JPH3: variants seen among roughly 807,000 people sequenced by gnomAD.
The protein encoded by JPH3 is junctophilin-3.
JPH3 carries 11 observed loss-of-function variants against 59.6 expected under a neutral mutation model. The observed-to-expected ratio is 0.18, with a 90% CI of 0.12 to 0.31. The LOEUF (loss-of-function observed/expected upper bound fraction) is 0.31. Ranked by LOEUF, JPH3 falls within the 10% of genes least tolerant of loss-of-function variation. The pLI, the probability that JPH3 is intolerant of heterozygous loss-of-function variation, is 1.00. For missense variants in JPH3, 1,202 were observed against 1,105.7 expected, an observed-to-expected ratio of 1.09 and a Z score of -1.24; for synonymous variants, 673 against 483.6, an observed-to-expected ratio of 1.39 and a Z score of -5.14.
At chr16:87,662,080 C>T (rs1480910239) in intron 2 of JPH3, among the ~76,000 whole-genome samples, 4 of 152,188 alleles carry the variant, frequency 2.6e-5, no homozygotes, top group African/African-American at 9.7e-5. Context: ...CCCTTGTAAC[C>T]CCTCACCTTT....
Position 87,698,108 on chromosome 16 carries a change from A to ATAT in JPH3, c.*1450_*1452dup, listed in dbSNP as rs1025092857. On this transcript the variant is annotated 3_prime_UTR_variant, in exon 5 of 5. Coordinates refer to ENST00000284262, the MANE Select transcript of JPH3 (RefSeq NM_020655.4). Reference sequence around the variant, plus strand: ...CTTTACTACACTGCACTGGATTGCTATATTTTTAACCAGAAATAAACTAAA... The same window carrying ATAT: ...CTTTACTACACTGCACTGGATTGCTATATTATTTTTAACCAGAAATAAACTAAA... 3.3e-5 allele frequency: 5 copies of ATAT among 152,636 alleles called. No homozygotes were observed. The highest frequency in any genetic ancestry group is 1.2e-4 in the African/African-American group (5 of 41,464). The allele number at this position is 152,636 out of a possible 1,614,324, so 9.5% of individuals were successfully genotyped here.
rs1288457194 is a variant in JPH3, at chr16:87,652,122, C to G, written c.1160+7087C>G. Among the ~76,000 whole-genome samples, 3 of 152,160 alleles carry G rather than the reference C, an allele frequency of 2.0e-5. No homozygotes were observed. The East Asian group carries it at 5.8e-4, about 29-fold the overall frequency. On this transcript the variant is annotated intron_variant, in intron 2 of 4. Coordinates refer to ENST00000284262, the MANE Select transcript of JPH3 (RefSeq NM_020655.4). ...CCCAAGTAGCTGGGACTACAGGCGC[C>G]CACCACCGTGCCCAGCTAATTTTTT...
At position 87,603,434 on chromosome 16, in the gene JPH3, G is replaced by A. The variant is rs775189194; in HGVS notation, c.288G>A (p.Gly96=). 1.3e-6 allele frequency: 2 copies of A among 1,575,634 alleles called. No individual in the cohort carries two copies. The highest frequency in any genetic ancestry group is 1.4e-5 in the African/African-American group (1 of 73,890). ...CGCACGGATTCAAGGGGCGCTACGG[G>A]GTGCGGGAGTGCGCGGGCAACGGGG... ...EWTHGFKGRY[G]VRECAGNGAK... is the part of the protein sequence containing the mutation. Residue 96 remains glycine (G), a synonymous_variant, in exon 1 of 5, where the codon GGG becomes GGA. Coordinates refer to ENST00000284262, the MANE Select transcript of JPH3 (RefSeq NM_020655.4).
rs2033517503 is a variant in JPH3, at chr16:87,689,886, A to G, written c.1526A>G (p.Glu509Gly). 4.7e-6 allele frequency: 7 copies of G among 1,481,076 alleles called. No individual in the cohort carries two copies. Among genetic ancestry groups the G allele is most frequent in the Non-Finnish European group, 6.3e-6 (7 of 1,115,704 alleles). The allele number at this position is 1,481,076 out of a possible 1,614,324, so 91.7% of individuals were successfully genotyped here. The part of the protein sequence containing the change: ...AHFSRQVSVD[E>G]ERGGDIQMLL... The stretch of plus-strand genomic sequence containing the variant: ...TTCTCGAGGCAGGTGTCGGTGGACG[A>G]GGAGCGGGGCGGGGACATCCAGATG... Residue 509 changes from glutamate to glycine, a missense_variant, in exon 4 of 5, where the codon GAG becomes GGG. Coordinates refer to ENST00000284262, the MANE Select transcript of JPH3 (RefSeq NM_020655.4).
intron 2 of JPH3, among the ~76,000 whole-genome samples, chr16:87,661,183 G>GACTCT (rs1567604291): frequency 1.3e-5 from 2 of 152,164 alleles, no homozygotes; most frequent in Non-Finnish European, 2.9e-5. Context: ...CAGCGGGGCA[G>GACTCT]CCTCTCCTCT....
intron 1 of JPH3, among the ~76,000 whole-genome samples, chr16:87,620,387 G>A (rs1313744738): frequency 6.7e-6 from 1 of 150,160 alleles, no homozygotes. Flanking sequence ...GCAAAGGGAA[G>A]GAGCATTTGA....
intron 4 of JPH3, chr16:87,695,407 T>G (rs554547938): frequency 6.6e-6 from 3 of 456,096 alleles, no homozygotes; most frequent in South Asian, 4.6e-5. Flanking sequence ...CCCTGGTCCA[T>G]CTGTGTCGCA....
intron 3 of JPH3, 80 bp downstream of exon 3, chr16:87,684,346 C>A: frequency 1.9e-6 from 3 of 1,556,750 alleles, no homozygotes; most frequent in South Asian, 1.2e-5. Flanking sequence ...GCAGATGTGT[C>A]CTCCAGAGCG....
At chr16:87,689,590 T>A in intron 3 of JPH3, 56 bp from the exon 4 acceptor site, 3 of 1,571,704 alleles carry the variant, frequency 1.9e-6, no homozygotes, top group Non-Finnish European at 2.6e-6. Flanking sequence ...GACCGCGGCC[T>A]CGCTGTGGAA....
At chr16:87,686,754 G>A (rs937490664) in intron 3 of JPH3, among the ~76,000 whole-genome samples, 1 of 152,208 alleles carries the variant, frequency 6.6e-6, no homozygotes, top group Non-Finnish European at 1.5e-5. Flanking sequence ...GTCCCTGCAG[G>A]AGGGGCCTTG....
rs2032780934 is a variant in JPH3 at position 87,663,925 on chromosome 16, A to G, written c.1160+18890A>G. 2.0e-5 allele frequency among the ~76,000 whole-genome samples: 3 copies of G among 152,280 alleles called. No individual in the cohort carries two copies. In the South Asian group the frequency reaches 6.2e-4, roughly 32 times the overall value. ...GTTTTGACTGTGCGGTTTTGCATGCAGTGATTTCTAGGAATGCAGACGTCG... is the reference window on the plus strand; with the variant it reads ...GTTTTGACTGTGCGGTTTTGCATGCGGTGATTTCTAGGAATGCAGACGTCG... On this transcript the variant is annotated intron_variant, in intron 2 of 4. Transcript: ENST00000284262.
intron 4 of JPH3, among the ~76,000 whole-genome samples, chr16:87,691,450 T>C (rs1161078844): frequency 4.6e-5 from 7 of 151,972 alleles, no homozygotes; most frequent in Non-Finnish European, 1.0e-4. Context: ...GCCCCTCGGG[T>C]GTGAGGACGC....
At chr16:87,670,978 G>A (rs879929984) in intron 2 of JPH3, among the ~76,000 whole-genome samples, 6 of 152,174 alleles carry the variant, frequency 3.9e-5, no homozygotes, top group African/African-American at 1.2e-4. Flanking sequence ...GACCCCTCCC[G>A]CCAAGGTGAG....
intron 1 of JPH3, among the ~76,000 whole-genome samples, chr16:87,634,114 C>G (rs2031653978): frequency 1.3e-5 from 2 of 152,148 alleles, no homozygotes; most frequent in Admixed American, 1.3e-4. Context: ...GAGGGACAGG[C>G]ACGGGGCATG....
intron 4 of JPH3, chr16:87,695,594 G>C (rs1427472100): frequency 2.2e-6 from 1 of 455,808 alleles, no homozygotes; most frequent in Non-Finnish European, 4.4e-6. Flanking sequence ...AGACTGGAGT[G>C]GGTGTCCCAG....
intron 4 of JPH3, chr16:87,696,267 C>T (rs2033847433): frequency 4.1e-6 from 2 of 482,304 alleles, no homozygotes; most frequent in Admixed American, 3.1e-5. Context: ...TGCAGGGAGG[C>T]CTGGGTGGTT....
intron 2 of JPH3, among the ~76,000 whole-genome samples, chr16:87,683,610 CT>C (rs1045661335): frequency 4.5e-4 from 64 of 142,458 alleles, no homozygotes; most frequent in African/African-American, 1.4e-3. Flanking sequence ...AGCCCCTCCC[CT>C]TTTTTTTTTC....
intron 1 of JPH3, among the ~76,000 whole-genome samples, chr16:87,624,587 G>C (rs976165458): frequency 1.3e-5 from 2 of 152,224 alleles, no homozygotes; most frequent in Non-Finnish European, 2.9e-5. Context: ...ACAGCCTAAA[G>C]CTGGCAGAGG....
intron 2 of JPH3, among the ~76,000 whole-genome samples, chr16:87,661,094 G>C (rs1343076080): frequency 6.6e-6 from 1 of 152,236 alleles, no homozygotes; most frequent in South Asian, 2.1e-4. Context: ...GCTCCAGGGA[G>C]AATGTGTTCC....
Sources: gnomAD v4.1 joint callset for allele counts (sites outside exome capture counted in the v4.1 genomes callset) on GRCh38, gnomAD v4.1.1 for gene constraint, MANE v1.5 for transcripts, NCBI Gene and HGNC (gene_info 2026-07-23, HGNC 2026-07-21) for gene names.